The following NXPE2 variants were observed in gnomAD, a reference collection of about 807,000 sequenced individuals.
NXPE2 encodes the protein neurexophilin and PC-esterase domain family member 2.
A neutral mutation model predicts 34.4 loss-of-function variants in NXPE2; 34 were observed. The observed-to-expected ratio is 0.99, with a 90% CI of 0.75 to 1.31. The LOEUF (loss-of-function observed/expected upper bound fraction) is 1.31, where lower values mean the gene tolerates loss of function less well. Ranked by LOEUF, NXPE2 falls within the 40% of genes most tolerant of loss-of-function variation. The probability of loss-of-function intolerance (pLI) is 0.00; values close to 1 mark genes in which losing one functional copy is unlikely to be tolerated. For missense variants in NXPE2, 649 were observed against 672.5 expected, an observed-to-expected ratio of 0.97 and a Z score of 0.39; for synonymous variants, 235 against 231.3, an observed-to-expected ratio of 1.02 and a Z score of -0.15.
chr11:114,553,506 T>C, the NXPE2 span, among the ~76,000 whole-genome samples: 1 of 152,232 alleles, frequency 6.6e-6, no homozygotes, highest in African/African-American at 2.4e-5. Context: ...GGAATTTTAC[T>C]GATGGCAGAG....
the NXPE2 span, among the ~76,000 whole-genome samples, chr11:114,724,189 C>G: frequency 6.6e-6 from 1 of 152,106 alleles, no homozygotes; most frequent in Non-Finnish European, 1.5e-5. Context: ...TCAGGGTCAC[C>G]TGAAGGGTGA....
the NXPE2 span, among the ~76,000 whole-genome samples, chr11:114,609,739 A>G: frequency 6.6e-6 from 1 of 151,728 alleles, no homozygotes. Flanking sequence ...CTCATGGATA[A>G]CCACTGTTAC....
chr11:114,742,620 A>ATTTTT, the NXPE2 span, among the ~76,000 whole-genome samples: 4,836 of 133,626 alleles, frequency 0.036, 183 homozygotes, highest in Non-Finnish European at 0.055. Context: ...TTATTCTTGG[A>ATTTTT]TTTTTTTTTT....
chr11:114,628,827 T>A, the NXPE2 span, among the ~76,000 whole-genome samples: 1 of 151,676 alleles, frequency 6.6e-6, no homozygotes, highest in South Asian at 2.1e-4. Flanking sequence ...CAATAAAAAA[T>A]GATAAAGGGG....
At chr11:114,721,294 C>T in the NXPE2 span, among the ~76,000 whole-genome samples, 1 of 149,190 alleles carries the variant, frequency 6.7e-6, no homozygotes, top group African/African-American at 2.5e-5. Context: ...GTTCTGTGTG[C>T]CTCAGGGAGC....
the NXPE2 span, among the ~76,000 whole-genome samples, chr11:114,508,969 C>T: frequency 1.4e-3 from 212 of 152,212 alleles, 2 homozygotes; most frequent in African/African-American, 4.9e-3. Context: ...AGTAAGCAGA[C>T]AACCTACAGA....
the NXPE2 span, among the ~76,000 whole-genome samples, chr11:114,725,976 A>AAATATATATAT: frequency 1.4e-4 from 14 of 101,754 alleles, no homozygotes; most frequent in African/African-American, 4.4e-4. Flanking sequence ...ATAAAAAAAA[A>AAATATATATAT]ATATATATAT....
chr11:114,502,458 T>G, the NXPE2 span, among the ~76,000 whole-genome samples: 1 of 152,212 alleles, frequency 6.6e-6, no homozygotes, highest in Admixed American at 6.5e-5. Flanking sequence ...GTCTTCATCT[T>G]TGTCTAATGT....
chr11:114,597,161 C>A, the NXPE2 span, among the ~76,000 whole-genome samples: 1 of 151,956 alleles, frequency 6.6e-6, no homozygotes, highest in Non-Finnish European at 1.5e-5. Flanking sequence ...CTGGTATAAC[C>A]ACTAAATATT....
chr11:114,786,880 T>C, the NXPE2 span, among the ~76,000 whole-genome samples: 1 of 152,058 alleles, frequency 6.6e-6, no homozygotes, highest in African/African-American at 2.4e-5. Context: ...ACATACAGCC[T>C]CACACACTGC....
At chr11:114,727,351 C>G in the NXPE2 span, among the ~76,000 whole-genome samples, 1 of 151,958 alleles carries the variant, frequency 6.6e-6, no homozygotes, top group African/African-American at 2.4e-5. Context: ...CTCTGGGGTT[C>G]ATTTATATAA....
intron 2 of NXPE2, among the ~76,000 whole-genome samples, chr11:114,697,358 G>T (rs1951277590): frequency 6.6e-6 from 1 of 152,168 alleles, no homozygotes; most frequent in Non-Finnish European, 1.5e-5. Flanking sequence ...AGGATTACTG[G>T]AAACCACCAG....
the NXPE2 span, among the ~76,000 whole-genome samples, chr11:114,618,421 C>T: frequency 2.0e-5 from 3 of 151,728 alleles, no homozygotes; most frequent in Non-Finnish European, 4.4e-5. Context: ...CATGGGTAAC[C>T]ACTGTTACCT....
chr11:114,683,080 T>C (rs1433900620), intron 2 of NXPE2, among the ~76,000 whole-genome samples: 1 of 152,120 alleles, frequency 6.6e-6, no homozygotes, highest in African/African-American at 2.4e-5. Context: ...GTTTTTTAAA[T>C]ATAAAACCTG....
chr11:114,468,464 G>A, the NXPE2 span, among the ~76,000 whole-genome samples: 1 of 152,202 alleles, frequency 6.6e-6, no homozygotes, highest in South Asian at 2.1e-4. Flanking sequence ...CATAATAATT[G>A]CCACAGAACA....
At chr11:114,528,938 A>C in the NXPE2 span, 1 of 485,552 alleles carries the variant, frequency 2.1e-6, no homozygotes, top group Non-Finnish European at 3.8e-6. Context: ...CAGAGATAAA[A>C]GGGAGGGAAC....
the NXPE2 span, among the ~76,000 whole-genome samples, chr11:114,638,984 G>T: frequency 1.3e-5 from 2 of 152,042 alleles, no homozygotes; most frequent in Non-Finnish European, 2.9e-5. Flanking sequence ...GAGAACCACT[G>T]CTCTCTTCAA....
chr11:114,491,709 C>T, the NXPE2 span, among the ~76,000 whole-genome samples: 4 of 152,148 alleles, frequency 2.6e-5, no homozygotes, highest in African/African-American at 4.8e-5. Context: ...CACATGCACA[C>T]GTGTGTTTAT....
the NXPE2 span, among the ~76,000 whole-genome samples, chr11:114,525,511 C>T: frequency 1.3e-5 from 2 of 152,074 alleles, no homozygotes; most frequent in East Asian, 3.9e-4. Flanking sequence ...AGAGTCTCTC[C>T]CTCCCATCCC....
Sources: allele counts gnomAD v4.1 joint callset (sites outside exome capture counted in the v4.1 genomes callset), GRCh38; gene constraint gnomAD v4.1.1; transcripts MANE v1.5; gene names NCBI Gene and HGNC (gene_info 2026-07-23, HGNC 2026-07-21).